TRPM1: variants seen among roughly 807,000 people sequenced by gnomAD.
The protein encoded by TRPM1 is TRPM1-203 APA Isoform, Intron 10.
Under a neutral mutation model 149.4 loss-of-function variants are expected in TRPM1, and 113 were observed. That is an observed-to-expected ratio of 0.76 (90% CI 0.65 to 0.88). TRPM1 has a LOEUF of 0.88. Ranked by LOEUF, TRPM1 falls within the 40% of genes least tolerant of loss-of-function variation. TRPM1 has a pLI of 0.00. For synonymous variants in TRPM1, 741 were observed against 759.5 expected (o/e 0.98, Z 0.40); for missense variants, 1,976 against 2,038.7 (o/e 0.97, Z 0.59).
In TRPM1 at chr15:31,026,257, C is replaced by T; in HGVS notation, c.3511G>A (p.Asp1171Asn). Reference protein sequence around the residue: ...RDRGLKLFLSDEELKRLHEFE... With the variant: ...RDRGLKLFLSNEELKRLHEFE... ...TCATGCAGCCTCTTTAGCTCCTCGT[C>T]GCTAAGGAAGAGCTCTGTGTGAAGG... The change falls in exon 27 of 28, where the codon GAC becomes AAC. Residue 1171 changes from aspartate to asparagine, a missense_variant. This residue lies in a region of TRPM1 where 572 missense variants were observed against 578.9 expected (regional missense o/e 0.99). Coordinates refer to ENST00000256552, the MANE Select transcript of TRPM1 (RefSeq NM_001252024.2). The T allele has an allele frequency of 1.2e-6, 2 of 1,611,174 alleles. No individual in the cohort carries two copies. The highest frequency in any genetic ancestry group is 1.7e-6 in the Non-Finnish European group (2 of 1,180,010).
At position 31,088,697 on chromosome 15, in the gene TRPM1, T is replaced by G. The variant is rs140773379; in HGVS notation, c.-83-7259A>C. On this transcript the variant is annotated intron_variant, in intron 1 of 27. Coordinates refer to ENST00000256552, the MANE Select transcript of TRPM1 (RefSeq NM_001252024.2). ...ATTTCATACTAAGCCTTTTTGGGAT[T>G]TGGGGGCCGTCGTATGAGATTGACT... is the stretch of plus-strand genomic sequence containing the variant. 1.6e-3 allele frequency among the ~76,000 whole-genome samples: 237 copies of G among 152,034 alleles called. 1 individual carries two copies. The South Asian group carries it at 0.016, about 10-fold the overall frequency.
chr15:31,147,585 T>C (rs570011214), intron 1 of TRPM1, among the ~76,000 whole-genome samples: 7 of 152,346 alleles, frequency 4.6e-5, no homozygotes, highest in Admixed American at 3.9e-4. Context: ...TCCCAGTGGC[T>C]CTTGTTCATC....
chr15:31,044,198 C>A (rs925132137), intron 16 of TRPM1, among the ~76,000 whole-genome samples: 2 of 152,134 alleles, frequency 1.3e-5, no homozygotes, highest in Non-Finnish European at 2.9e-5. Context: ...CTTATCCAAA[C>A]CTGTGGAATA....
chr15:31,100,741 G>A (rs775300075), intron 1 of TRPM1, among the ~76,000 whole-genome samples: 26 of 152,082 alleles, frequency 1.7e-4, no homozygotes, highest in African/African-American at 4.3e-4. Context: ...AATTCTGTAC[G>A]GTTATTATGC....
chr15:31,069,438 A>T, intron 4 of TRPM1: 4 of 1,009,890 alleles, frequency 4.0e-6, no homozygotes, highest in Non-Finnish European at 4.7e-6. Flanking sequence ...GGGCCAGTGA[A>T]ATAAAATGAA....
At chr15:31,077,945 T>C (rs2034755388) in intron 2 of TRPM1, among the ~76,000 whole-genome samples, 1 of 152,000 alleles carries the variant, frequency 6.6e-6, no homozygotes, top group Non-Finnish European at 1.5e-5. Flanking sequence ...GACTATGACC[T>C]GTGTAGTGTG....
At chr15:31,021,574 T>G (rs527595431) in intron 27 of TRPM1, among the ~76,000 whole-genome samples, 42 of 152,082 alleles carry the variant, frequency 2.8e-4, no homozygotes, top group Admixed American at 1.0e-3. Flanking sequence ...TGCACGCCTG[T>G]AGCCTCAGCT....
intron 1 of TRPM1, among the ~76,000 whole-genome samples, chr15:31,145,978 C>T (rs924939035): frequency 2.0e-5 from 3 of 151,732 alleles, no homozygotes; most frequent in African/African-American, 4.8e-5. Context: ...AGAAAGTTTA[C>T]GATTTTGATT....
chr15:31,148,427 C>T (rs2036251123), intron 1 of TRPM1, among the ~76,000 whole-genome samples: 1 of 152,144 alleles, frequency 6.6e-6, no homozygotes, highest in Non-Finnish European at 1.5e-5. Flanking sequence ...GGAGAGAACG[C>T]TCCATCCTGA....
At chr15:31,066,732 G>A (rs2034387455) in intron 6 of TRPM1, among the ~76,000 whole-genome samples, 1 of 152,234 alleles carries the variant, frequency 6.6e-6, no homozygotes, top group Non-Finnish European at 1.5e-5. Flanking sequence ...TCCATTTACA[G>A]AACCTTCTTG....
At chr15:31,101,986 G>A (rs527556675), upstream of TRPM1, among the ~76,000 whole-genome samples, 2 of 152,344 alleles carry the variant, frequency 1.3e-5, no homozygotes, top group African/African-American at 4.8e-5. Context: ...CCACCCAGCC[G>A]CCCTTCCCTG....
In TRPM1 at chr15:31,011,897, C is replaced by G. The variant is rs192056803; in HGVS notation, c.3630-8827G>C. ...CAGGCTGGTCTTGAACTCTCGACCT[C>G]AGGTGATCCACCTGCCTTCGCCTCC... On this transcript the variant is annotated intron_variant, in intron 27 of 27. Transcript: ENST00000256552. 7.2e-5 allele frequency among the ~76,000 whole-genome samples: 11 copies of G among 152,276 alleles called. No individual in the cohort carries two copies. The East Asian group carries it at 2.1e-3, about 29-fold the overall frequency.
chr15:31,092,184 G>A (rs1056722707), intron 1 of TRPM1, among the ~76,000 whole-genome samples: 2 of 152,152 alleles, frequency 1.3e-5, no homozygotes, highest in Admixed American at 6.5e-5. Context: ...GAGCTCTGGG[G>A]AAAATGCTCT....
At chr15:31,154,416 AT>A (rs2036341573) in intron 1 of TRPM1, among the ~76,000 whole-genome samples, 1 of 152,206 alleles carries the variant, frequency 6.6e-6, no homozygotes. Flanking sequence ...TGAGACAGGA[AT>A]TGTTTTGAAT....
chr15:31,040,418 C>T lies in TRPM1; in HGVS notation c.2088-72G>A. Reference sequence around the variant, plus strand: ...GCTGTTTCTTAGACAGGCATATCCACCAAGGACTTATGGAGCCACGGGACA... The same window carrying T: ...GCTGTTTCTTAGACAGGCATATCCATCAAGGACTTATGGAGCCACGGGACA... On this transcript the variant is annotated intron_variant, in intron 17 of 27. Coordinates refer to ENST00000256552, the MANE Select transcript of TRPM1 (RefSeq NM_001252024.2). This position sits in a 1 kb window ranked among gnomAD's most constrained non-coding sequence, Gnocchi z 4.2. 2 of 1,323,378 alleles carry T rather than the reference C, an allele frequency of 1.5e-6. No individual in the cohort carries two copies. The highest frequency in any genetic ancestry group is 2.2e-6 in the Non-Finnish European group (2 of 921,194). The allele number at this position is 1,323,378 out of a possible 1,614,324, so 82.0% of individuals were successfully genotyped here. A position where few individuals can be genotyped will look rare whatever the true frequency, so the allele number is the denominator to read the frequency against.
At chr15:31,147,113 A>C (rs2036233521) in intron 1 of TRPM1, among the ~76,000 whole-genome samples, 1 of 152,156 alleles carries the variant, frequency 6.6e-6, no homozygotes, top group East Asian at 1.9e-4. Flanking sequence ...TTTTTATGGA[A>C]TAAAGTATTG....
At chr15:31,104,035 G>A (rs769129117), upstream of TRPM1, among the ~76,000 whole-genome samples, 29 of 149,802 alleles carry the variant, frequency 1.9e-4, no homozygotes, top group South Asian at 8.7e-4. Context: ...CACAGTGTGT[G>A]AGGACTGTGG....
chr15:31,113,222 T>G (rs1236974310), intron 1 of TRPM1, among the ~76,000 whole-genome samples: 2 of 152,062 alleles, frequency 1.3e-5, no homozygotes, highest in African/African-American at 2.4e-5. Context: ...GGAGTGAATC[T>G]CCCAGCCAAA....
chr15:31,023,064 G>C (rs565329192), intron 27 of TRPM1, among the ~76,000 whole-genome samples: 97 of 152,322 alleles, frequency 6.4e-4, no homozygotes, highest in African/African-American at 2.2e-3. Context: ...CTCCTACTAT[G>C]TGGATATGTG....
Sources: allele counts gnomAD v4.1 joint callset (sites outside exome capture counted in the v4.1 genomes callset), GRCh38; gene constraint gnomAD v4.1.1; regional missense constraint gnomAD v4.1.1; non-coding constraint Gnocchi (gnomAD v3.1); transcripts MANE v1.5; gene names NCBI Gene and HGNC (gene_info 2026-07-23, HGNC 2026-07-21).